The following UNC80 variants were observed in gnomAD, a reference collection of about 807,000 sequenced individuals.
UNC80 encodes the protein protein unc-80 homolog.
In UNC80, 164 loss-of-function variants were observed where a neutral mutation model predicts 384.6. The observed-to-expected ratio is 0.43, with a 90% CI of 0.38 to 0.49. The LOEUF is 0.49. Ranked by LOEUF, UNC80 falls within the 20% of genes least tolerant of loss-of-function variation. The pLI, the probability that UNC80 is intolerant of heterozygous loss-of-function variation, is 0.00. For missense variants in UNC80, 3,330 were observed against 4,143.0 expected (o/e 0.80, Z 5.39); for synonymous variants, 1,486 against 1,527.8 (o/e 0.97, Z 0.64).
chr2:209,820,727 T>C, intron 13 of UNC80, 48 bp downstream of exon 13: 2 of 1,466,118 alleles, frequency 1.4e-6, no homozygotes, highest in Non-Finnish European at 9.0e-7. Flanking sequence ...CATACCTAAT[T>C]TCTTTCTAAA....
chr2:209,947,858 C>T (rs2091982398), intron 47 of UNC80, among the ~76,000 whole-genome samples: 1 of 152,088 alleles, frequency 6.6e-6, no homozygotes, highest in Non-Finnish European at 1.5e-5. Flanking sequence ...CAGATAGAGG[C>T]ACTACTATCC....
At chr2:209,862,649 C>CTTTTTTTTTTTTTTTTTTTTT (rs71043955) in intron 22 of UNC80, among the ~76,000 whole-genome samples, 14 of 78,804 alleles carry the variant, frequency 1.8e-4, no homozygotes, top group Admixed American at 3.7e-4. Context: ...GCAACCTCTG[C>CTTTTTTTTTTTTTTTTTTTTT]TTTTTTTTTT....
chr2:209,831,417 C>G (rs768384066), intron 15 of UNC80, 26 bp from the exon 16 acceptor site: 7 of 1,534,674 alleles, frequency 4.6e-6, no homozygotes, highest in Non-Finnish European at 6.1e-6. Flanking sequence ...GAAACATTGT[C>G]TTTAATTTGT....
At chr2:209,813,020 T>A (rs1033675574) in intron 7 of UNC80, among the ~76,000 whole-genome samples, 1 of 152,238 alleles carries the variant, frequency 6.6e-6, no homozygotes, top group African/African-American at 2.4e-5. Flanking sequence ...TTCTGTTTCT[T>A]AGCATTTTGT....
chr2:209,905,459 T>C (rs1255105885), intron 29 of UNC80, among the ~76,000 whole-genome samples: 2 of 152,106 alleles, frequency 1.3e-5, no homozygotes, highest in African/African-American at 4.8e-5. Flanking sequence ...GAGGTCAGTA[T>C]GATGCGGGGC....
intron 3 of UNC80, among the ~76,000 whole-genome samples, chr2:209,776,871 A>G (rs2076895540): frequency 6.6e-6 from 1 of 152,092 alleles, no homozygotes; most frequent in South Asian, 2.1e-4. Flanking sequence ...TAGCGTACAT[A>G]CTCTTCTCCA....
intron 7 of UNC80, chr2:209,808,767 T>TTCTTCGCTACTCAGCGACCTCGTTGCC: frequency 1.7e-5 from 1 of 59,206 alleles, no homozygotes; most frequent in Non-Finnish European, 2.9e-5. Flanking sequence ...CCTGCGCTAC[T>TTCTTCGCTACTCAGCGACCTCGTTGCC]TCTGCGCTAC....
rs1030705963 is a variant in UNC80 at position 209,925,336 on chromosome 2, T to A, written c.5663-1507T>A. ...TCCAGAATTTATTCCTTCCAGCGGG[T>A]TCTTGGTCTCGCTGACTTCAAGAAT... On this transcript the variant is annotated intron_variant, in intron 35 of 64. Transcript: ENST00000673920. Among the ~76,000 whole-genome samples the A allele has an allele frequency of 4.3e-4, 66 of 152,192 alleles. 1 individual carries two copies. Among genetic ancestry groups the A allele is most frequent in the African/African-American group, 1.5e-3 (63 of 41,540 alleles).
At chr2:209,993,928 C>A in intron 63 of UNC80, 137 bp from the exon 64 acceptor site, 3 of 726,854 alleles carry the variant, frequency 4.1e-6, no homozygotes, top group South Asian at 2.3e-5. Context: ...TTCAAACGTG[C>A]TCTCATTTAT....
chr2:209,887,185 C>A (rs936666569), intron 25 of UNC80, among the ~76,000 whole-genome samples: 1 of 151,978 alleles, frequency 6.6e-6, no homozygotes, highest in Non-Finnish European at 1.5e-5. Flanking sequence ...TACAGGCATG[C>A]GCCACCTCGC....
chr2:209,788,377 A>G (rs928796139), intron 5 of UNC80, among the ~76,000 whole-genome samples: 1 of 151,342 alleles, frequency 6.6e-6, no homozygotes, highest in African/African-American at 2.4e-5. Context: ...AGATCGCACC[A>G]TTGCACTCCA....
At chr2:209,777,012 A>G (rs745490007) in intron 3 of UNC80, among the ~76,000 whole-genome samples, 16 of 152,266 alleles carry the variant, frequency 1.1e-4, no homozygotes, top group Non-Finnish European at 1.9e-4. Flanking sequence ...TACGCTGCCT[A>G]TTTGGAAATA....
chr2:209,975,374 T>G (rs2092987634), intron 56 of UNC80, among the ~76,000 whole-genome samples: 2 of 152,094 alleles, frequency 1.3e-5, no homozygotes, highest in South Asian at 4.1e-4. Flanking sequence ...TGACACACGG[T>G]TTGGGAAATC....
At chr2:209,882,991 C>A (rs1009084930) in intron 25 of UNC80, among the ~76,000 whole-genome samples, 1 of 152,114 alleles carries the variant, frequency 6.6e-6, no homozygotes, top group African/African-American at 2.4e-5. Context: ...TACTTTATGT[C>A]ACCTTTAATT....
In UNC80 at chr2:209,896,408, C is replaced by A; in HGVS notation, c.4576C>A (p.Leu1526Ile). 1.3e-6 allele frequency: 2 copies of A among 1,551,182 alleles called. No homozygotes were observed. The highest frequency in any genetic ancestry group is 1.7e-6 in the Non-Finnish European group (2 of 1,146,604). The change falls in exon 28 of 65, where the codon CTT becomes ATT. Residue 1526 changes from leucine to isoleucine, a missense_variant. Physicochemically the swap from Leu to Ile is conservative, Grantham distance 5 (BLOSUM62 2). This residue lies in a region of UNC80 where 801 missense variants were observed against 950.8 expected (regional missense o/e 0.84). Transcript: ENST00000673920. The part of the protein sequence containing the change: ...EENYHRNMSW[L>I]HVMILLCNQQ... ...GAATTACCACAGAAACATGTCGTGG[C>A]TTCATGTAAGTAGGAATCTCAGAAA...
chr2:209,944,286 C>T (rs982356574), intron 45 of UNC80, among the ~76,000 whole-genome samples: 5 of 152,154 alleles, frequency 3.3e-5, no homozygotes, highest in African/African-American at 9.7e-5. Flanking sequence ...CTTTTTGTCA[C>T]TCTCTACCAC....
chr2:209,867,173 C>G (rs2083900871), intron 22 of UNC80, among the ~76,000 whole-genome samples: 2 of 152,344 alleles, frequency 1.3e-5, no homozygotes, highest in South Asian at 4.1e-4. Flanking sequence ...ACATCAGCAT[C>G]ACTTGTGAGC....
intron 42 of UNC80, among the ~76,000 whole-genome samples, chr2:209,938,357 T>A (rs1341174880): frequency 6.6e-6 from 1 of 152,206 alleles, no homozygotes; most frequent in Non-Finnish European, 1.5e-5. Flanking sequence ...TTCAGGATAC[T>A]TGATCATTTC....
chr2:209,816,984 A>G lies in UNC80; in HGVS notation c.1411A>G (p.Arg471Gly), dbSNP rs760199085. Residue 471 changes from arginine to glycine, a missense_variant, in exon 10 of 65, where the codon AGA becomes GGA. By Grantham distance (125) the Arg-to-Gly change is moderately radical. Coordinates refer to ENST00000673920, the MANE Select transcript of UNC80 (RefSeq NM_001371986.1). ...CCACACAGGCAAGAGGAGGCCACGG[A>G]GAATGGGAGTGCCCTTCCTGCTTCA... Reference protein sequence around the residue: ...FHHTGKRRPRRMGVPFLLHED... With the variant: ...FHHTGKRRPRGMGVPFLLHED... The G allele has an allele frequency of 3.9e-6, 6 of 1,551,608 alleles. No homozygotes were observed. Among genetic ancestry groups the G allele is most frequent in the Non-Finnish European group, 5.2e-6 (6 of 1,147,010 alleles).
Sources: gnomAD v4.1 joint callset for allele counts (sites outside exome capture counted in the v4.1 genomes callset) on GRCh38, gnomAD v4.1.1 for gene constraint, gnomAD v4.1.1 regional missense constraint, MANE v1.5 for transcripts, NCBI Gene and HGNC (gene_info 2026-07-23, HGNC 2026-07-21) for gene names.